DAB1: variants seen among roughly 807,000 people sequenced by gnomAD.
DAB1 encodes DAB adaptor protein 1.
A neutral mutation model predicts 64.6 loss-of-function variants in DAB1; 15 were observed. That is an observed-to-expected ratio of 0.23 (90% CI 0.16 to 0.36). DAB1 has a LOEUF of 0.36. DAB1 is among the 10% of genes least tolerant of loss of function. The probability of loss-of-function intolerance (pLI) is 1.00; values close to 1 mark genes in which losing one functional copy is unlikely to be tolerated. For synonymous variants in DAB1, 235 were observed against 251.9 expected, an observed-to-expected ratio of 0.93 and a Z score of 0.64; for missense variants, 596 against 706.7, an observed-to-expected ratio of 0.84 and a Z score of 1.78.
At chr1:57,903,709 C>T (rs907603817) in intron 5 of DAB1, among the ~76,000 whole-genome samples, 8 of 152,210 alleles carry the variant, frequency 5.3e-5, no homozygotes, top group African/African-American at 1.7e-4. Context: ...GTCTCCCTCA[C>T]TACTGAGTCC....
At chr1:57,492,808 C>T (rs2101283794) in intron 7 of DAB1, among the ~76,000 whole-genome samples, 1 of 152,312 alleles carries the variant, frequency 6.6e-6, no homozygotes, top group African/African-American at 2.4e-5. Flanking sequence ...TCCTTAACCA[C>T]ACCAGGCTTT....
chr1:57,383,093 T>C (rs1681516568), intron 1 of DAB1, among the ~76,000 whole-genome samples: 1 of 152,084 alleles, frequency 6.6e-6, no homozygotes, highest in African/African-American at 2.4e-5. Flanking sequence ...GCTTGGGGGT[T>C]GGACTGTAGT....
At chr1:58,105,210 T>C (rs1651561550) in intron 5 of DAB1, among the ~76,000 whole-genome samples, 1 of 152,218 alleles carries the variant, frequency 6.6e-6, no homozygotes. Context: ...CTCGTTTTGG[T>C]GGTTAGCAAC....
At chr1:58,275,854 CAA>C (rs1661431487) in intron 4 of DAB1, among the ~76,000 whole-genome samples, 1 of 152,134 alleles carries the variant, frequency 6.6e-6, no homozygotes, top group Admixed American at 6.5e-5. Flanking sequence ...AGCATAGTCT[CAA>C]AGAGATATTT....
At chr1:57,886,725 A>C (rs1039944777), upstream of DAB1, among the ~76,000 whole-genome samples, 9 of 152,168 alleles carry the variant, frequency 5.9e-5, no homozygotes, top group Admixed American at 2.6e-4. Context: ...ATATTAGTGT[A>C]ATATTTAAAC....
intron 4 of DAB1, among the ~76,000 whole-genome samples, chr1:58,295,414 G>A (rs772580340): frequency 2.4e-4 from 37 of 152,248 alleles, no homozygotes; most frequent in Non-Finnish European, 4.1e-4. Flanking sequence ...GGGAGTGGAG[G>A]TGGCAGGGGA....
chr1:58,201,746 A>G (rs138425472), intron 4 of DAB1, among the ~76,000 whole-genome samples: 23 of 152,258 alleles, frequency 1.5e-4, no homozygotes, highest in African/African-American at 5.1e-4. Context: ...AAATTTCTCA[A>G]TCTTTAAACA....
chr1:57,033,048 T>A (rs979294132), intron 9 of DAB1, among the ~76,000 whole-genome samples: 2 of 152,188 alleles, frequency 1.3e-5, no homozygotes, highest in Non-Finnish European at 1.5e-5. Flanking sequence ...TGAGCTTCTT[T>A]AGGAAAGCCC....
At chr1:58,062,187 A>T (rs768168977) in intron 5 of DAB1, among the ~76,000 whole-genome samples, 6 of 152,186 alleles carry the variant, frequency 3.9e-5, no homozygotes, top group Non-Finnish European at 5.9e-5. Context: ...CTTATGTAGC[A>T]TAAGTGGTCT....
chr1:58,501,195 T>G (rs984801494), intron 3 of DAB1, among the ~76,000 whole-genome samples: 1 of 152,236 alleles, frequency 6.6e-6, no homozygotes, highest in African/African-American at 2.4e-5. Context: ...CACAAGATTA[T>G]ATTTAGGCAA....
In DAB1 at chr1:58,206,211, G is replaced by A. The variant is rs377398850; in HGVS notation, n.310-55623C>T. On this transcript the variant is annotated intron_variant and non_coding_transcript_variant, in intron 4 of 20. Transcript: ENST00000485760. ...TACATGTAAGATATACATTGGTTCC[G>A]TCCAGAAAGGCGGGACAACTCTAAC... Among the ~76,000 whole-genome samples the A allele has an allele frequency of 1.4e-4, 21 of 152,266 alleles. No homozygotes were observed. The South Asian group carries it at 3.3e-3, about 24-fold the overall frequency.
At chr1:57,812,023 C>A (rs1651643836) in intron 6 of DAB1, among the ~76,000 whole-genome samples, 2 of 152,046 alleles carry the variant, frequency 1.3e-5, no homozygotes, top group Non-Finnish European at 2.9e-5. Flanking sequence ...TATTGGTTCC[C>A]ACCTAGCCTC....
At chr1:58,418,794 A>T (rs973009860) in intron 3 of DAB1, among the ~76,000 whole-genome samples, 1 of 152,184 alleles carries the variant, frequency 6.6e-6, no homozygotes, top group Non-Finnish European at 1.5e-5. Flanking sequence ...TTAGCTGAAC[A>T]TAAGTTGCAA....
intron 5 of DAB1, among the ~76,000 whole-genome samples, chr1:58,066,487 C>T (rs1247854446): frequency 3.9e-5 from 6 of 152,194 alleles, no homozygotes; most frequent in Admixed American, 3.3e-4. Flanking sequence ...TGCAAAAGAA[C>T]ATTAACATTA....
At chr1:57,086,689 G>GCACACACACAC (rs1653115955) in intron 4 of DAB1, among the ~76,000 whole-genome samples, 1 of 83,424 alleles carries the variant, frequency 1.2e-5, no homozygotes, top group African/African-American at 4.6e-5. Flanking sequence ...ACACACACAT[G>GCACACACACAC]AAAAAAACCT....
chr1:57,761,348 A>G (rs1237518992), intron 6 of DAB1, among the ~76,000 whole-genome samples: 1 of 152,168 alleles, frequency 6.6e-6, no homozygotes, highest in African/African-American at 2.4e-5. Context: ...ATTTTAATCT[A>G]TTTTGTATTT....
At chr1:58,229,642 C>T (rs7413067) in intron 4 of DAB1, among the ~76,000 whole-genome samples, 1 of 152,010 alleles carries the variant, frequency 6.6e-6, no homozygotes, top group Non-Finnish European at 1.5e-5. Flanking sequence ...AAGAGAGTAC[C>T]AAGGCAAAGA....
chr1:57,140,334 C>T (rs1042296333), intron 3 of DAB1, among the ~76,000 whole-genome samples: 2 of 152,080 alleles, frequency 1.3e-5, no homozygotes, highest in African/African-American at 4.8e-5. Flanking sequence ...TTACCTCCCT[C>T]ATTCTACAGA....
chr1:58,074,205 T>C (rs1267987383), intron 5 of DAB1, among the ~76,000 whole-genome samples: 1 of 152,062 alleles, frequency 6.6e-6, no homozygotes, highest in African/African-American at 2.4e-5. Context: ...GGGTACCACA[T>C]GAAGGAATAT....
Sources: allele counts gnomAD v4.1 joint callset (sites outside exome capture counted in the v4.1 genomes callset), GRCh38; gene constraint gnomAD v4.1.1; transcripts MANE v1.5; gene names NCBI Gene and HGNC (gene_info 2026-07-23, HGNC 2026-07-21).